STX18: variants seen among roughly 807,000 people sequenced by gnomAD.
STX18 encodes the protein syntaxin 18, also known as syntaxin-18.
In STX18, 40 loss-of-function variants were observed where a neutral mutation model predicts 50.1. The observed-to-expected ratio is 0.80, with a 90% CI of 0.62 to 1.04. The LOEUF (loss-of-function observed/expected upper bound fraction) is 1.04. STX18 is among the 50% of genes least tolerant of loss of function. STX18 has a pLI of 0.00. For synonymous variants in STX18, 158 were observed against 151.8 expected (o/e 1.04, Z -0.30); for missense variants, 410 against 415.8 (o/e 0.99, Z 0.12).
chr4:4,441,929 G>A (rs181909111), intron 5 of STX18, among the ~76,000 whole-genome samples: 165 of 152,356 alleles, frequency 1.1e-3, no homozygotes, highest in African/African-American at 3.7e-3. Context: ...GCAGGTAAAA[G>A]AAGCAAGTAT....
intron 2 of STX18, among the ~76,000 whole-genome samples, chr4:4,460,268 A>C (rs1727309310): frequency 6.6e-6 from 1 of 152,210 alleles, no homozygotes; most frequent in African/African-American, 2.4e-5. Flanking sequence ...TAGGCTGATC[A>C]ATTAATAAAT....
chr4:4,457,344 T>C lies in STX18; in HGVS notation c.430+79A>G, dbSNP rs1031071964. On this transcript the variant is annotated intron_variant, in intron 4 of 10. Coordinates refer to ENST00000306200, the MANE Select transcript of STX18 (RefSeq NM_016930.4). ...CATTAAATATAATGAGATACTACAG[T>C]CTTCAGCTAGCAAAGCTAAATTCTG... 1.9e-6 allele frequency: 3 copies of C among 1,560,406 alleles called. No individual in the cohort carries two copies. The African/African-American group carries it at 4.1e-5, about 21-fold the overall frequency.
intron 5 of STX18, among the ~76,000 whole-genome samples, chr4:4,450,582 G>A (rs2108806843): frequency 6.6e-6 from 1 of 152,282 alleles, no homozygotes; most frequent in South Asian, 2.1e-4. Context: ...AGGATTACAG[G>A]CGTGAGCCAC....
chr4:4,487,539 T>C (rs1728752473), intron 1 of STX18, among the ~76,000 whole-genome samples: 1 of 152,216 alleles, frequency 6.6e-6, no homozygotes, highest in African/African-American at 2.4e-5. Context: ...GAATAGACTC[T>C]AAGCCTGTGC....
intron 1 of STX18, among the ~76,000 whole-genome samples, chr4:4,527,713 TA>T (rs1271512343): frequency 6.6e-6 from 1 of 150,788 alleles, no homozygotes; most frequent in African/African-American, 2.4e-5. Context: ...TGTGTGAGCC[TA>T]AAATACTTGA....
At chr4:4,438,720 G>A (rs889361011) in intron 5 of STX18, among the ~76,000 whole-genome samples, 1 of 152,006 alleles carries the variant, frequency 6.6e-6, no homozygotes, top group African/African-American at 2.4e-5. Flanking sequence ...GATTGTGCAT[G>A]CCCTCTGCAT....
At chr4:4,476,982 C>T (rs1345495721) in intron 1 of STX18, among the ~76,000 whole-genome samples, 2 of 151,776 alleles carry the variant, frequency 1.3e-5, no homozygotes, top group Non-Finnish European at 2.9e-5. Context: ...GGCGGGTCAC[C>T]TGAGGTCAGG....
intron 2 of STX18, among the ~76,000 whole-genome samples, chr4:4,470,486 T>C (rs1015188204): frequency 1.3e-5 from 2 of 152,188 alleles, no homozygotes; most frequent in South Asian, 2.1e-4. Context: ...GGAAACACGA[T>C]GGAAACCTGA....
chr4:4,521,117 G>A (rs1396452311), intron 1 of STX18, among the ~76,000 whole-genome samples: 1 of 151,582 alleles, frequency 6.6e-6, no homozygotes, highest in Non-Finnish European at 1.5e-5. Flanking sequence ...TCTGTTATTT[G>A]TCCAATAAAA....
At chr4:4,506,819 G>A (rs963849342) in intron 1 of STX18, among the ~76,000 whole-genome samples, 1 of 152,160 alleles carries the variant, frequency 6.6e-6, no homozygotes, top group Non-Finnish European at 1.5e-5. Flanking sequence ...TTCTCTCCAA[G>A]TATCTTATTG....
chr4:4,498,707 T>TA, intron 1 of STX18, among the ~76,000 whole-genome samples: 1 of 152,230 alleles, frequency 6.6e-6, no homozygotes, highest in African/African-American at 2.4e-5. Flanking sequence ...AGGAGCATAA[T>TA]AAAAAATAGA....
intron 9 of STX18, among the ~76,000 whole-genome samples, chr4:4,423,214 C>G (rs1018370305): frequency 2.6e-5 from 4 of 152,214 alleles, no homozygotes; most frequent in African/African-American, 9.6e-5. Flanking sequence ...CTAGCTTACC[C>G]AGCACATCCA....
intron 3 of STX18, among the ~76,000 whole-genome samples, chr4:4,459,062 GCACACACA>G (rs60704649): frequency 8.7e-4 from 126 of 144,392 alleles, no homozygotes; most frequent in African/African-American, 3.0e-3. Context: ...ACACACACAC[GCACACACA>G]CACACACACA....
Position 4,462,983 on chromosome 4 carries a change from A to G in STX18, c.237-3496T>C, listed in dbSNP as rs192818848. ...AGCCTCCTTTTGCTGTTTGAGTATA[A>G]TAACTGCCTTAACATCACTATTACA... is the stretch of plus-strand genomic sequence containing the variant. On this transcript the variant is annotated intron_variant, in intron 2 of 10. Transcript: ENST00000306200. Among the ~76,000 whole-genome samples the G allele has an allele frequency of 1.8e-4, 27 of 152,360 alleles. No homozygotes were observed. The East Asian group carries it at 4.8e-3, about 27-fold the overall frequency.
chr4:4,420,489 G>C lies in STX18; in HGVS notation c.913-360C>G. The C allele has an allele frequency of 2.6e-6, 1 of 389,860 alleles. No individual in the cohort carries two copies. Among genetic ancestry groups the C allele is most frequent in the South Asian group, 3.3e-5 (1 of 29,922 alleles). 24.2% of individuals were successfully genotyped at this position (389,860 alleles called of 1,614,324 possible). A position where few individuals can be genotyped will look rare whatever the true frequency, so the allele number is the denominator to read the frequency against. The stretch of plus-strand genomic sequence containing the variant: ...CCCTGAGGACTGAGCTTGGGAAACA[G>C]TCCCCTCAACAGGATGGCTGTAGTG... On this transcript the variant is annotated intron_variant, in intron 10 of 10. Coordinates refer to ENST00000306200, the MANE Select transcript of STX18 (RefSeq NM_016930.4). The surrounding 1 kb of genome is among the most constrained non-coding windows in gnomAD (Gnocchi z 4.3).
At chr4:4,473,937 G>C (rs914453066) in intron 1 of STX18, among the ~76,000 whole-genome samples, 3 of 152,126 alleles carry the variant, frequency 2.0e-5, no homozygotes, top group African/African-American at 7.2e-5. Context: ...TAAACAACGG[G>C]AAAAAGTCCA....
chr4:4,459,054 A>ACACACG (rs1727234000), intron 3 of STX18, among the ~76,000 whole-genome samples: 1 of 134,874 alleles, frequency 7.4e-6, no homozygotes, highest in African/African-American at 3.5e-5. Flanking sequence ...CACAGAACAC[A>ACACACG]CACACACGCA....
At chr4:4,492,491 C>T (rs1174400169) in intron 1 of STX18, among the ~76,000 whole-genome samples, 1 of 151,830 alleles carries the variant, frequency 6.6e-6, no homozygotes, top group Non-Finnish European at 1.5e-5. Context: ...TGAGTGTGAG[C>T]AAGAAAAAAA....
intron 1 of STX18, among the ~76,000 whole-genome samples, chr4:4,524,453 G>C (rs941468228): frequency 3.9e-5 from 6 of 152,218 alleles, no homozygotes; most frequent in Non-Finnish European, 7.3e-5. Context: ...GTGGCAACAG[G>C]AGTGGATTGA....
Sources: gnomAD v4.1 joint callset for allele counts (sites outside exome capture counted in the v4.1 genomes callset) on GRCh38, gnomAD v4.1.1 for gene constraint, Gnocchi (gnomAD v3.1) non-coding constraint, MANE v1.5 for transcripts, NCBI Gene and HGNC (gene_info 2026-07-23, HGNC 2026-07-21) for gene names.